USH2A: variants seen among roughly 807,000 people sequenced by gnomAD.
The protein encoded by USH2A is usherin, also known as Usher syndrome 2A (autosomal recessive, mild).
USH2A carries 443 observed loss-of-function variants against 538.9 expected under a neutral mutation model. The ratio of observed to expected loss-of-function variants is 0.82; its 90% confidence interval spans 0.76 to 0.89. USH2A has a LOEUF of 0.89. USH2A is among the 40% of genes least tolerant of loss of function. The pLI is 0.00. For synonymous variants in USH2A, 2,413 were observed against 2,273.5 expected (o/e 1.06, Z -1.75); for missense variants, 6,633 against 6,324.8 (o/e 1.05, Z -1.65).
intron 67 of USH2A, among the ~76,000 whole-genome samples, chr1:215,643,748 G>A (rs73087454): frequency 2.6e-5 from 4 of 152,124 alleles, no homozygotes; most frequent in East Asian, 1.9e-4. Context: ...CAGGCTGGTC[G>A]TGAACTCTTA....
At chr1:216,115,503 A>G (rs1291474204) in intron 21 of USH2A, among the ~76,000 whole-genome samples, 1 of 152,224 alleles carries the variant, frequency 6.6e-6, no homozygotes, top group Non-Finnish European at 1.5e-5. Flanking sequence ...AAAATATATG[A>G]AAGTACATTA....
At position 215,692,540 on chromosome 1, in the gene USH2A, G is replaced by A. The variant is rs558502635; in HGVS notation, c.12067-12164C>T. On this transcript the variant is annotated intron_variant, in intron 61 of 71. Coordinates refer to ENST00000307340, the MANE Select transcript of USH2A (RefSeq NM_206933.4). The stretch of plus-strand genomic sequence containing the variant: ...AAATCTGTATATGGCAAACTGATAT[G>A]GGTGTGCTCAGGCCTCAGCCAATTA... Among the ~76,000 whole-genome samples, 40 of 152,160 alleles carry A rather than the reference G, an allele frequency of 2.6e-4. 1 individual carries two copies. The highest frequency in any genetic ancestry group is 9.4e-4 in the African/African-American group (39 of 41,488).
chr1:215,625,370 A>G lies in USH2A; in HGVS notation c.*411T>C. ...GTCAACCCTGACAGAAATGGCAGAT[A>G]GAAATGAACAGCAGTGACATCCTTT... On this transcript the variant is annotated 3_prime_UTR_variant, in exon 72 of 72. Coordinates refer to ENST00000307340, the MANE Select transcript of USH2A (RefSeq NM_206933.4). 4.0e-6 allele frequency: 1 copy of G among 250,940 alleles called. No homozygotes were observed. The highest frequency in any genetic ancestry group is 1.0e-4 in the East Asian group (1 of 9,802). The allele number at this position is 250,940 out of a possible 1,614,324, so 15.5% of individuals were successfully genotyped here.
intron 32 of USH2A, among the ~76,000 whole-genome samples, chr1:216,041,845 CTT>C (rs146933027): frequency 6.7e-6 from 1 of 149,342 alleles, no homozygotes; most frequent in Non-Finnish European, 1.5e-5. Flanking sequence ...AATAAAATAA[CTT>C]TTTTTTTTGT....
intron 35 of USH2A, among the ~76,000 whole-genome samples, chr1:215,992,598 A>T (rs1668027198): frequency 6.6e-6 from 1 of 152,240 alleles, no homozygotes; most frequent in Admixed American, 6.5e-5. Flanking sequence ...CTCTTTTAAG[A>T]TAAACTTATT....
intron 21 of USH2A, among the ~76,000 whole-genome samples, chr1:216,132,695 T>A (rs2033401430): frequency 6.6e-6 from 1 of 152,128 alleles, no homozygotes; most frequent in Non-Finnish European, 1.5e-5. Context: ...TATATACAGC[T>A]GGTGTCAGTG....
At chr1:216,080,388 C>T (rs1399044272) in intron 26 of USH2A, among the ~76,000 whole-genome samples, 1 of 151,720 alleles carries the variant, frequency 6.6e-6, no homozygotes, top group Non-Finnish European at 1.5e-5. Context: ...AACAGAATGA[C>T]AGAAAAAGGA....
intron 50 of USH2A, among the ~76,000 whole-genome samples, chr1:215,795,706 T>G (rs1337434319): frequency 6.6e-6 from 1 of 152,152 alleles, no homozygotes; most frequent in East Asian, 1.9e-4. Flanking sequence ...TATTAGCTAC[T>G]TCATCTAAAG....
chr1:216,137,846 A>G, intron 21 of USH2A, among the ~76,000 whole-genome samples: 1 of 152,306 alleles, frequency 6.6e-6, no homozygotes, highest in East Asian at 1.9e-4. Flanking sequence ...ACTCAGTATT[A>G]AACATCACAG....
intron 44 of USH2A, among the ~76,000 whole-genome samples, chr1:215,850,844 T>G (rs775804763): frequency 3.9e-5 from 6 of 152,138 alleles, no homozygotes; most frequent in Non-Finnish European, 7.4e-5. Flanking sequence ...TATCAAGTAC[T>G]CTTTCAGATC....
At chr1:215,870,825 T>C (rs1024910601) in intron 43 of USH2A, among the ~76,000 whole-genome samples, 31 of 152,262 alleles carry the variant, frequency 2.0e-4, no homozygotes, top group Admixed American at 3.3e-4. Flanking sequence ...TGTTGATTGT[T>C]GATATTAAAT....
At chr1:216,004,753 GA>G (rs1440446143) in intron 32 of USH2A, among the ~76,000 whole-genome samples, 1 of 152,140 alleles carries the variant, frequency 6.6e-6, no homozygotes, top group African/African-American at 2.4e-5. Context: ...CTAGTGAAGG[GA>G]AAACTATGAA....
chr1:215,741,689 G>A (rs917145967), intron 59 of USH2A, 152 bp from the exon 60 acceptor site: 1 of 875,442 alleles, frequency 1.1e-6, no homozygotes. Context: ...ATTTTTATGG[G>A]ATTTGAACAT....
At position 215,839,799 on chromosome 1, in the gene USH2A, T is replaced by C. The variant is rs144060862; in HGVS notation, c.9259-1696A>G. Among the ~76,000 whole-genome samples, 825 of 152,024 alleles carry C rather than the reference T, an allele frequency of 5.4e-3. 6 individuals carry two copies. The highest frequency in any genetic ancestry group is 0.018 in the African/African-American group (764 of 41,478). On this transcript the variant is annotated intron_variant, in intron 46 of 71. Transcript: ENST00000307340. ...TTACTGTATTTATACTAAAAAGAGG[T>C]AAAACTGAATAAAAATGAAATTATT...
intron 45 of USH2A, among the ~76,000 whole-genome samples, chr1:215,845,044 A>G (rs757641907): frequency 1.3e-5 from 2 of 152,210 alleles, no homozygotes; most frequent in African/African-American, 2.4e-5. Context: ...AACATAAGAA[A>G]AAAATCTTGC....
At chr1:216,104,996 G>A (rs905333454) in intron 21 of USH2A, among the ~76,000 whole-genome samples, 7 of 152,058 alleles carry the variant, frequency 4.6e-5, no homozygotes, top group African/African-American at 9.7e-5. Context: ...AAAAGTGGGC[G>A]AAGGATATGA....
chr1:215,688,820 G>A (rs1658513478), intron 61 of USH2A, among the ~76,000 whole-genome samples: 1 of 151,994 alleles, frequency 6.6e-6, no homozygotes, highest in Non-Finnish European at 1.5e-5. Flanking sequence ...CACCTTGGGG[G>A]TTAGGGCTCC....
intron 58 of USH2A, among the ~76,000 whole-genome samples, chr1:215,752,049 T>C (rs188830721): frequency 9.6e-4 from 146 of 152,262 alleles, no homozygotes; most frequent in Admixed American, 2.9e-3. Flanking sequence ...GTGCTCTGTT[T>C]GTCATTAAAG....
intron 11 of USH2A, among the ~76,000 whole-genome samples, chr1:216,285,804 A>G (rs1407610366): frequency 1.3e-5 from 2 of 152,218 alleles, no homozygotes; most frequent in African/African-American, 4.8e-5. Flanking sequence ...ATATGGAGTC[A>G]AAGGAGATCA....
Sources: gnomAD v4.1 joint callset for allele counts (sites outside exome capture counted in the v4.1 genomes callset) on GRCh38, gnomAD v4.1.1 for gene constraint, MANE v1.5 for transcripts, NCBI Gene and HGNC (gene_info 2026-07-23, HGNC 2026-07-21) for gene names.